Variants in PTPRG observed in about 807,000 individuals in gnomAD.
PTPRG encodes protein tyrosine phosphatase receptor type G.
A neutral mutation model predicts 165.3 loss-of-function variants in PTPRG; 102 were observed. That is an observed-to-expected ratio of 0.62 (90% CI 0.53 to 0.73). The LOEUF is 0.73. Ranked by LOEUF, PTPRG falls within the 30% of genes least tolerant of loss-of-function variation. The pLI, the probability that PTPRG is intolerant of heterozygous loss-of-function variation, is 0.00. For missense variants in PTPRG, 1,866 were observed against 1,861.4 expected, an observed-to-expected ratio of 1.00 and a Z score of -0.05; for synonymous variants, 675 against 669.5, an observed-to-expected ratio of 1.01 and a Z score of -0.13.
chr3:62,027,334 T>C (rs2041829558), intron 4 of PTPRG, among the ~76,000 whole-genome samples: 1 of 152,146 alleles, frequency 6.6e-6, no homozygotes. Context: ...TCCCTTAAAC[T>C]GACCTCCAGT....
At chr3:62,267,909 G>T (rs1701935663) in intron 19 of PTPRG, 90 bp downstream of exon 19, 1 of 1,415,936 alleles carries the variant, frequency 7.1e-7, no homozygotes, top group Non-Finnish European at 9.6e-7. Flanking sequence ...AACTTGACAA[G>T]GTATAAAGAG....
chr3:61,736,446 T>A (rs1035903577), intron 1 of PTPRG, among the ~76,000 whole-genome samples: 2 of 146,530 alleles, frequency 1.4e-5, no homozygotes, highest in African/African-American at 5.2e-5. Context: ...TCTCATTAAC[T>A]ATTATCTTTT....
chr3:61,751,568 C>T (rs568727139), intron 2 of PTPRG, among the ~76,000 whole-genome samples: 43 of 152,034 alleles, frequency 2.8e-4, no homozygotes, highest in Non-Finnish European at 5.9e-5. Flanking sequence ...TATAGACAAA[C>T]CATAGTTCAA....
chr3:62,004,214 A>G (rs756641419), intron 4 of PTPRG, among the ~76,000 whole-genome samples: 1 of 152,114 alleles, frequency 6.6e-6, no homozygotes, highest in African/African-American at 2.4e-5. Flanking sequence ...TGTTGTGTGA[A>G]TATTCTTTTG....
intron 2 of PTPRG, among the ~76,000 whole-genome samples, chr3:61,756,553 G>T (rs1314216937): frequency 1.3e-5 from 2 of 152,128 alleles, no homozygotes; most frequent in Admixed American, 6.5e-5. Context: ...TCTACTTAGA[G>T]TTCTTTTCTT....
intron 1 of PTPRG, among the ~76,000 whole-genome samples, chr3:61,590,325 G>A (rs1700537528): frequency 6.6e-6 from 1 of 151,394 alleles, no homozygotes; most frequent in South Asian, 2.1e-4. Context: ...AGTTCAAGAC[G>A]ACCCTGGCCA....
intron 23 of PTPRG, among the ~76,000 whole-genome samples, chr3:62,275,409 C>A (rs558583997): frequency 1.6e-4 from 24 of 152,230 alleles, no homozygotes; most frequent in Middle Eastern, 3.4e-3. Flanking sequence ...GAAGAATCCA[C>A]ATAGTTCTAG....
At chr3:62,261,521 A>C (rs1215062008) in intron 16 of PTPRG, among the ~76,000 whole-genome samples, 1 of 152,122 alleles carries the variant, frequency 6.6e-6, no homozygotes, top group African/African-American at 2.4e-5. Flanking sequence ...GAGTTTAGTA[A>C]GAGTAAGGAA....
In PTPRG at chr3:62,203,305, C is replaced by T; in HGVS notation, c.1510C>T (p.Gln504Ter). The T allele has an allele frequency of 6.2e-7, 1 of 1,613,584 alleles. No homozygotes were observed. Among genetic ancestry groups the T allele is most frequent in the Non-Finnish European group, 8.5e-7 (1 of 1,179,946 alleles). Residue 504 changes from glutamine to a stop codon, truncating the protein, a stop_gained, in exon 12 of 30, where the codon CAG becomes TAG. Transcript: ENST00000474889. LOFTEE classifies it high-confidence loss of function. This position sits in a 1 kb window ranked among gnomAD's most constrained non-coding sequence, Gnocchi z 6.4. ...GATGGGCCCCTCCTCCAGTGGCAGC[C>T]AGGCCACAGTGGCCTCGGTGGTCAC... is the stretch of plus-strand genomic sequence containing the variant. The part of the protein sequence containing the change: ...TGMGPSSSGS[Q>*]ATVASVVTST...
intron 1 of PTPRG, among the ~76,000 whole-genome samples, chr3:61,587,445 C>T (rs879701412): frequency 1.6e-4 from 25 of 152,126 alleles, no homozygotes; most frequent in East Asian, 5.8e-4. Context: ...AAGTTGCAGC[C>T]GTGATGTTTC....
chr3:61,908,574 AT>A (rs2038718166), intron 2 of PTPRG, among the ~76,000 whole-genome samples: 1 of 152,124 alleles, frequency 6.6e-6, no homozygotes, highest in African/African-American at 2.4e-5. Context: ...TCAATCCTGT[AT>A]AATTTAGTGA....
intron 5 of PTPRG, among the ~76,000 whole-genome samples, chr3:62,115,050 C>G (rs547410919): frequency 6.6e-6 from 1 of 152,206 alleles, no homozygotes; most frequent in Admixed American, 6.5e-5. Flanking sequence ...CTGACTGTTG[C>G]AATTATACAG....
chr3:62,165,031 GTCTC>G (rs1337603539), intron 7 of PTPRG, among the ~76,000 whole-genome samples: 3 of 152,186 alleles, frequency 2.0e-5, no homozygotes, highest in African/African-American at 7.2e-5. Flanking sequence ...GTTAAGGAAT[GTCTC>G]TCTCTATTAA....
chr3:62,098,033 T>TA (rs1491480605), intron 5 of PTPRG, among the ~76,000 whole-genome samples: 1 of 152,218 alleles, frequency 6.6e-6, no homozygotes, highest in Admixed American at 6.5e-5. Flanking sequence ...AATTCGAGGT[T>TA]ATCTTCATTA....
chr3:62,049,018 G>T (rs1024211651), intron 4 of PTPRG, among the ~76,000 whole-genome samples: 1 of 151,690 alleles, frequency 6.6e-6, no homozygotes, highest in Non-Finnish European at 1.5e-5. Context: ...ATGGAGTCAG[G>T]AAATATAAAA....
At chr3:61,822,860 A>C (rs891911852) in intron 2 of PTPRG, among the ~76,000 whole-genome samples, 7 of 152,094 alleles carry the variant, frequency 4.6e-5, no homozygotes, top group African/African-American at 1.7e-4. Flanking sequence ...TACCTTCCCC[A>C]AAAAAGGAGA....
At chr3:61,740,220 T>A (rs927007952) in intron 1 of PTPRG, among the ~76,000 whole-genome samples, 1 of 152,222 alleles carries the variant, frequency 6.6e-6, no homozygotes, top group East Asian at 1.9e-4. Flanking sequence ...GGTAATATTA[T>A]AGAATCAGGA....
intron 1 of PTPRG, among the ~76,000 whole-genome samples, chr3:61,605,493 G>A (rs7640394): frequency 6.6e-6 from 1 of 151,770 alleles, no homozygotes; most frequent in African/African-American, 2.4e-5. Flanking sequence ...GGACCTCAGG[G>A]GATCTGTCCA....
At chr3:62,067,441 G>A (rs1182741259) in intron 4 of PTPRG, among the ~76,000 whole-genome samples, 5 of 151,954 alleles carry the variant, frequency 3.3e-5, no homozygotes, top group Middle Eastern at 3.2e-3. Flanking sequence ...ATTTTTCCAC[G>A]GACCTTGTCC....
Sources: allele counts gnomAD v4.1 joint callset (sites outside exome capture counted in the v4.1 genomes callset), GRCh38; gene constraint gnomAD v4.1.1; non-coding constraint Gnocchi (gnomAD v3.1); transcripts MANE v1.5; gene names NCBI Gene and HGNC (gene_info 2026-07-23, HGNC 2026-07-21).